RPTN: variants seen among roughly 807,000 people sequenced by gnomAD.
The protein encoded by RPTN is repetin.
A neutral mutation model predicts 3.6 loss-of-function variants in RPTN; 4 were observed. That is an observed-to-expected ratio of 1.12 (90% CI 0.55 to 2.55). The LOEUF (loss-of-function observed/expected upper bound fraction) is 2.55. Among genes scored for constraint, RPTN ranks in the 30% most tolerant of loss-of-function variants. The probability of loss-of-function intolerance (pLI) is 0.02; values close to 1 mark genes in which losing one functional copy is unlikely to be tolerated. For missense variants in RPTN, 860 were observed against 916.7 expected, an observed-to-expected ratio of 0.94 and a Z score of 0.80; for synonymous variants, 293 against 319.3, an observed-to-expected ratio of 0.92 and a Z score of 0.88.
Position 152,153,886 on chromosome 1 carries a change from A to G in RPTN, c.*858T>C, listed in dbSNP as rs1481474416. On this transcript the variant is annotated 3_prime_UTR_variant, in exon 3 of 3. Transcript: ENST00000316073. Reference sequence around the variant, plus strand: ...GTAGTAAACATCAGAGATGCACTCTATGTTCTCGGCTCTTGTAGCAGCCTT... The same window carrying G: ...GTAGTAAACATCAGAGATGCACTCTGTGTTCTCGGCTCTTGTAGCAGCCTT... 1.3e-5 allele frequency: 2 copies of G among 152,602 alleles called. No homozygotes were observed. Among genetic ancestry groups the G allele is most frequent in the Non-Finnish European group, 2.9e-5 (2 of 68,050 alleles). 9.5% of individuals were successfully genotyped at this position (152,602 alleles called of 1,614,324 possible). A position where few individuals can be genotyped will look rare whatever the true frequency, so the allele number is the denominator to read the frequency against.
Position 152,157,884 on chromosome 1 carries a change from A to G in RPTN, c.6T>C (p.Ala2=), listed in dbSNP as rs1659239028. Residue 2 remains alanine (A), a synonymous_variant, in exon 2 of 3, where the codon GCT becomes GCC. Transcript: ENST00000316073. Reference sequence around the variant, plus strand: ...CACTGAGTATGCTATTCAGGAGTTGAGCCATTTTGACAAGTACGGGTGAAC... The same window carrying G: ...CACTGAGTATGCTATTCAGGAGTTGGGCCATTTTGACAAGTACGGGTGAAC... The part of the protein sequence containing the change: M[A]QLLNSILSVI... 1 of 1,613,770 alleles carries G rather than the reference A, an allele frequency of 6.2e-7. No homozygotes were observed. The highest frequency in any genetic ancestry group is 8.5e-7 in the Non-Finnish European group (1 of 1,179,810).
At chr1:152,159,121 G>A (rs1401011858) in intron 1 of RPTN, 63 bp downstream of exon 1, 2 of 152,660 alleles carry the variant, frequency 1.3e-5, no homozygotes, top group Non-Finnish European at 2.9e-5. Context: ...CCCCAGCCTG[G>A]TGCATTATAG....
chr1:152,155,792 C>A lies in RPTN; in HGVS notation c.1307G>T (p.Ser436Ile). ...HYGQTDRQGQ[S>I]SHYGQPDRQG... ...TCTGTCTGGCTGACCATAGTGGGAA[C>A]TCTGGCCTTGTCTGTCTGTCTGACC... The change falls in exon 3 of 3, where the codon AGT (serine) becomes ATT (isoleucine). Residue 436 changes from serine (S) to isoleucine (I), a missense_variant. Ser to Ile is a moderately radical substitution (Grantham distance 142). Coordinates refer to ENST00000316073, the MANE Select transcript of RPTN (RefSeq NM_001122965.1). 1 of 1,610,526 alleles carries A rather than the reference C, an allele frequency of 6.2e-7. No individual in the cohort carries two copies. The highest frequency in any genetic ancestry group is 1.3e-5 in the African/African-American group (1 of 74,690).
Position 152,157,910 on chromosome 1 carries a change from C to T in RPTN, c.-20-1G>A, listed in dbSNP as rs771444203. Reference sequence around the variant, plus strand: ...GCCATTTTGACAAGTACGGGTGAACCTAAAAGAAGAAACAAGATTTCTCCT... The same window carrying T: ...GCCATTTTGACAAGTACGGGTGAACTTAAAAGAAGAAACAAGATTTCTCCT... On this transcript the variant is annotated splice_acceptor_variant, in intron 1 of 2. Transcript: ENST00000316073. LOFTEE classifies it low-confidence loss of function (5UTR_SPLICE). 36 of 1,612,610 alleles carry T rather than the reference C, an allele frequency of 2.2e-5. No homozygotes were observed. Among genetic ancestry groups the T allele is most frequent in the Non-Finnish European group, 2.2e-5 (26 of 1,179,162 alleles).
rs58634415 is a variant in RPTN at position 152,157,558 on chromosome 1, G to GGTGT, written c.138+190_138+193dup. ...TCCTGTTCAAATTCAGATACAAGGA[G>GGTGT]GTGTGTGTGTGTGTGTGTGTGTGTG... On this transcript the variant is annotated intron_variant, in intron 2 of 2. Transcript: ENST00000316073. Among the ~76,000 whole-genome samples the GGTGT allele has an allele frequency of 4.6e-3, 636 of 139,560 alleles. 3 individuals are homozygous for GGTGT. The highest frequency in any genetic ancestry group is 7.7e-3 in the East Asian group (35 of 4,558). The allele number at this position is 139,560 out of a possible 152,430, so 91.6% of individuals were successfully genotyped here. A position where few individuals can be genotyped will look rare whatever the true frequency, so the allele number is the denominator to read the frequency against.
Position 152,156,968 on chromosome 1 carries a change from GAGATAAAACAAAGAGC to G in RPTN, c.139-24_139-9del. 6.2e-7 allele frequency: 1 copy of G among 1,603,768 alleles called. No individual in the cohort carries two copies. The highest frequency in any genetic ancestry group is 8.5e-7 in the Non-Finnish European group (1 of 1,174,834). On this transcript the variant is annotated splice_polypyrimidine_tract_variant and intron_variant, in intron 2 of 2. Coordinates refer to ENST00000316073, the MANE Select transcript of RPTN (RefSeq NM_001122965.1). ...CTCTGGGTCATTTGGTCTCTGTTAGGAGATAAAACAAAGAGCAAAATCAGATGCTGTCTTGTGCATA... is the reference window on the plus strand; with the variant it reads ...CTCTGGGTCATTTGGTCTCTGTTAGGAAAATCAGATGCTGTCTTGTGCATA...
intron 1 of RPTN, 63 bp from the exon 2 acceptor site, chr1:152,157,972 AGGGAAAG>A: frequency 7.1e-7 from 1 of 1,410,136 alleles, no homozygotes; most frequent in Non-Finnish European, 9.9e-7. Flanking sequence ...GCATTTCCAG[AGGGAAAG>A]TGACCCCTCT....
At position 152,154,483 on chromosome 1, in the gene RPTN, C is replaced by T. The variant is rs1455171946; in HGVS notation, c.*261G>A. 3.5e-6 allele frequency: 2 copies of T among 572,332 alleles called. No homozygotes were observed. The highest frequency in any genetic ancestry group is 6.0e-5 in the East Asian group (2 of 33,590). The allele number at this position is 572,332 out of a possible 1,614,324, so 35.5% of individuals were successfully genotyped here. ...AGGGGGGGTTGGGAACAGTAGCTCC[C>T]TTGGCAGGGTGACCACGCTGTTCTC... On this transcript the variant is annotated 3_prime_UTR_variant, in exon 3 of 3. Transcript: ENST00000316073.
chr1:152,156,984 C>A, intron 2 of RPTN, 24 bp from the exon 3 acceptor site: 3 of 1,590,562 alleles, frequency 1.9e-6, no homozygotes, highest in South Asian at 1.1e-5. Context: ...AAACAAAGAG[C>A]AAAATCAGAT....
chr1:152,155,262 A>G lies in RPTN; in HGVS notation c.1837T>C (p.Ser613Pro), dbSNP rs1482913734. The G allele has an allele frequency of 1.9e-6, 3 of 1,614,014 alleles. No homozygotes were observed. Among genetic ancestry groups the G allele is most frequent in the Non-Finnish European group, 1.7e-6 (2 of 1,180,038 alleles). The change falls in exon 3 of 3, where the codon TCA becomes CCA. Residue 613 changes from serine to proline, a missense_variant. Physicochemically the swap from Ser to Pro is moderately conservative, Grantham distance 74. Coordinates refer to ENST00000316073, the MANE Select transcript of RPTN (RefSeq NM_001122965.1). ...GTRKASYVEQ[S>P]GRSGRLSQQT... ...TGACTTAGCCTCCCTGATCTTCCTGATTGTTCAACATAAGAGGCTTTTCTT... is the reference window on the plus strand; with the variant it reads ...TGACTTAGCCTCCCTGATCTTCCTGGTTGTTCAACATAAGAGGCTTTTCTT...
In RPTN at chr1:152,156,091, T is replaced by C. The variant is rs774595639; in HGVS notation, c.1008A>G (p.Arg336=). The change falls in exon 3 of 3, where the codon AGA becomes AGG. Residue 336 remains arginine, a synonymous_variant. Coordinates refer to ENST00000316073, the MANE Select transcript of RPTN (RefSeq NM_001122965.1). ...GACCATAGTGGGAACTCTGACCTTGTCTGTCTGGCTGACTGTAGTGGGAAC... is the reference window on the plus strand; with the variant it reads ...GACCATAGTGGGAACTCTGACCTTGCCTGTCTGGCTGACTGTAGTGGGAAC... ...GQSSHYSQPD[R]QGQSSHYGQM... is the part of the protein sequence containing the mutation. 3.7e-6 allele frequency: 6 copies of C among 1,613,810 alleles called. No homozygotes were observed. The highest frequency in any genetic ancestry group is 5.1e-6 in the Non-Finnish European group (6 of 1,179,944).
At position 152,155,157 on chromosome 1, in the gene RPTN, C is replaced by T. The variant is rs1394641467; in HGVS notation, c.1942G>A (p.Val648Ile). The stretch of plus-strand genomic sequence containing the variant: ...TGGCTATCCTCTTCAGGCTCCCATA[C>T]CTGGTGGCCGTTCTGCTGTGAGTCC... ...SRDSQQNGHQVWEPEEDSQHH... is the reference protein window; with the variant it reads ...SRDSQQNGHQIWEPEEDSQHH... Residue 648 changes from valine (V) to isoleucine (I), a missense_variant, in exon 3 of 3, where the codon GTA becomes ATA. Physicochemically the swap from Val to Ile is conservative, Grantham distance 29. Transcript: ENST00000316073. 9 of 1,614,182 alleles carry T rather than the reference C, an allele frequency of 5.6e-6. No individual in the cohort carries two copies. The highest frequency in any genetic ancestry group is 5.1e-6 in the Non-Finnish European group (6 of 1,180,032).
Position 152,154,615 on chromosome 1 carries a change from G to A in RPTN, c.*129C>T. The A allele has an allele frequency of 7.6e-7, 1 of 1,316,148 alleles. No homozygotes were observed. Among genetic ancestry groups the A allele is most frequent in the South Asian group, 1.4e-5 (1 of 69,498 alleles). 81.5% of individuals were successfully genotyped at this position (1,316,148 alleles called of 1,614,324 possible). A position where few individuals can be genotyped will look rare whatever the true frequency, so the allele number is the denominator to read the frequency against. ...CCTCTTTCATGTGGAATTTTTCTCT[G>A]TTAGGACAGCTTCTGTGGGTCACTT... On this transcript the variant is annotated 3_prime_UTR_variant, in exon 3 of 3. Transcript: ENST00000316073.
chr1:152,156,853 G>T lies in RPTN; in HGVS notation c.246C>A (p.Val82=). ...HEYLLLVFQL[V]QACYHKLDNK... ...TGTCTAGCTTATGATAGCAGGCTTGGACCAACTGGAACACCAACAAGAGGT... is the reference window on the plus strand; with the variant it reads ...TGTCTAGCTTATGATAGCAGGCTTGTACCAACTGGAACACCAACAAGAGGT... The change falls in exon 3 of 3, where the codon GTC becomes GTA. Residue 82 remains valine (V), a synonymous_variant. Coordinates refer to ENST00000316073, the MANE Select transcript of RPTN (RefSeq NM_001122965.1). 1 of 1,614,150 alleles carries T rather than the reference G, an allele frequency of 6.2e-7. No homozygotes were observed. Among genetic ancestry groups the T allele is most frequent in the Non-Finnish European group, 8.5e-7 (1 of 1,180,018 alleles).
rs1381672480 is a variant in RPTN at position 152,156,086 on chromosome 1, C to G, written c.1013G>C (p.Gly338Ala). Residue 338 changes from glycine to alanine, a missense_variant, in exon 3 of 3, where the codon GGT (glycine) becomes GCT (alanine). Transcript: ENST00000316073. The stretch of plus-strand genomic sequence containing the variant: ...CATTTGACCATAGTGGGAACTCTGA[C>G]CTTGTCTGTCTGGCTGACTGTAGTG... The part of the protein sequence containing the change: ...SSHYSQPDRQ[G>A]QSSHYGQMDR... 1 of 1,613,242 alleles carries G rather than the reference C, an allele frequency of 6.2e-7. No homozygotes were observed. Among genetic ancestry groups the G allele is most frequent in the Non-Finnish European group, 8.5e-7 (1 of 1,179,784 alleles).
In RPTN at chr1:152,156,849, C is replaced by A. The variant is rs1255836906; in HGVS notation, c.250G>T (p.Ala84Ser). The A allele has an allele frequency of 1.9e-6, 3 of 1,614,216 alleles. No homozygotes were observed. The highest frequency in any genetic ancestry group is 2.5e-6 in the Non-Finnish European group (3 of 1,180,034). Residue 84 changes from alanine (A) to serine (S), a missense_variant, in exon 3 of 3, where the codon GCC (alanine) becomes TCC (serine). Physicochemically the swap from Ala to Ser is moderately conservative, Grantham distance 99. Transcript: ENST00000316073. ...TTATTGTCTAGCTTATGATAGCAGG[C>A]TTGGACCAACTGGAACACCAACAAG... ...YLLLVFQLVQ[A>S]CYHKLDNKSH...
In RPTN at chr1:152,156,436, C is replaced by T. The variant is rs201493782; in HGVS notation, c.663G>A (p.Trp221Ter). Residue 221 changes from tryptophan (W) to a stop codon, truncating the protein, a stop_gained, in exon 3 of 3, where the codon TGG becomes TGA. Coordinates refer to ENST00000316073, the MANE Select transcript of RPTN (RefSeq NM_001122965.1). LOFTEE classifies it low-confidence loss of function (END_TRUNC). ...SHKSTSGQAK[W>*]QGHIFALNRC... Reference sequence around the variant, plus strand: ...GATTTAAGGCAAAGATATGTCCCTGCCATTTAGCCTGGCCACTGGTAGATT... The same window carrying T: ...GATTTAAGGCAAAGATATGTCCCTGTCATTTAGCCTGGCCACTGGTAGATT... 27 of 1,614,088 alleles carry T rather than the reference C, an allele frequency of 1.7e-5. No homozygotes were observed. The highest frequency in any genetic ancestry group is 2.2e-5 in the Non-Finnish European group (26 of 1,180,054).
At chr1:152,157,094 G>A in intron 2 of RPTN, 134 bp from the exon 3 acceptor site, 1 of 741,344 alleles carries the variant, frequency 1.3e-6, no homozygotes, top group Non-Finnish European at 2.2e-6. Flanking sequence ...ATCTGAAGTG[G>A]TGTGGACTTG....
At position 152,153,659 on chromosome 1, in the gene RPTN, G is replaced by C. The variant is rs1659135633; in HGVS notation, c.*1085C>G. The C allele has an allele frequency of 6.6e-6, 1 of 152,220 alleles. No individual in the cohort carries two copies. The highest frequency in any genetic ancestry group is 2.4e-5 in the African/African-American group (1 of 41,434). 9.4% of individuals were successfully genotyped at this position (152,220 alleles called of 1,614,324 possible). A position where few individuals can be genotyped will look rare whatever the true frequency, so the allele number is the denominator to read the frequency against. On this transcript the variant is annotated 3_prime_UTR_variant, in exon 3 of 3. Coordinates refer to ENST00000316073, the MANE Select transcript of RPTN (RefSeq NM_001122965.1). Reference sequence around the variant, plus strand: ...TCATAATCTGCACATAGATTTTCTTGAGAAGAGTTTTCAGGTCTTAGGAGC... The same window carrying C: ...TCATAATCTGCACATAGATTTTCTTCAGAAGAGTTTTCAGGTCTTAGGAGC...
Sources: gnomAD v4.1 joint callset for allele counts (sites outside exome capture counted in the v4.1 genomes callset) on GRCh38, gnomAD v4.1.1 for gene constraint, MANE v1.5 for transcripts, NCBI Gene and HGNC (gene_info 2026-07-23, HGNC 2026-07-21) for gene names.